ANTXR1: variants seen among roughly 807,000 people sequenced by gnomAD.
ANTXR1 encodes anthrax toxin receptor 1.
In ANTXR1, 19 loss-of-function variants were observed where a neutral mutation model predicts 78.1. The ratio of observed to expected loss-of-function variants is 0.24; its 90% CI spans 0.17 to 0.36. The LOEUF (loss-of-function observed/expected upper bound fraction) is 0.36, where lower values mean the gene tolerates loss of function less well. Among genes scored for constraint, ANTXR1 ranks in the 10% least tolerant of loss-of-function variants. The probability of loss-of-function intolerance (pLI) is 1.00; values close to 1 mark genes in which losing one functional copy is unlikely to be tolerated. For missense variants in ANTXR1, 518 were observed against 718.6 expected, an observed-to-expected ratio of 0.72 and a Z score of 3.19; for synonymous variants, 273 against 260.5, an observed-to-expected ratio of 1.05 and a Z score of -0.46.
At chr2:69,216,849 AC>A (rs1675191306) in intron 17 of ANTXR1, among the ~76,000 whole-genome samples, 1 of 152,160 alleles carries the variant, frequency 6.6e-6, no homozygotes, top group Admixed American at 6.5e-5. Flanking sequence ...TACATTCTTG[AC>A]CCGTGTTTGG....
intron 1 of ANTXR1, among the ~76,000 whole-genome samples, chr2:69,021,436 A>G (rs373973243): frequency 2.4e-4 from 36 of 152,368 alleles, no homozygotes; most frequent in African/African-American, 8.7e-4. Context: ...TTCTCTGCAT[A>G]TACTACATGT....
chr2:69,217,599 T>C (rs1675209548), intron 17 of ANTXR1, among the ~76,000 whole-genome samples: 1 of 152,188 alleles, frequency 6.6e-6, no homozygotes, highest in Non-Finnish European at 1.5e-5. Flanking sequence ...ATATAGTGCA[T>C]TTAGTATATG....
chr2:69,145,192 G>A lies in ANTXR1; in HGVS notation c.952-6977G>A, dbSNP rs142172450. The A allele has an allele frequency of 8.1e-4, 685 of 841,358 alleles. 7 individuals carry two copies. In the East Asian group the frequency reaches 0.018, roughly 22 times the overall value. The allele number at this position is 841,358 out of a possible 1,614,324, so 52.1% of individuals were successfully genotyped here. ...GTCCAGGGAAGATGCACAGCCAGAG[G>A]CAGAGTTACGGGGGGCTGATTCGCT... On this transcript the variant is annotated intron_variant, in intron 12 of 17. Coordinates refer to ENST00000303714, the MANE Select transcript of ANTXR1 (RefSeq NM_032208.3).
intron 12 of ANTXR1, chr2:69,145,975 AAG>A (rs1673215496): frequency 2.0e-6 from 2 of 985,472 alleles, no homozygotes; most frequent in Non-Finnish European, 2.4e-6. Flanking sequence ...CTCGTCTTAA[AAG>A]AGAGGTCCTC....
chr2:69,126,807 C>T (rs548553852), intron 12 of ANTXR1, among the ~76,000 whole-genome samples: 7 of 152,226 alleles, frequency 4.6e-5, no homozygotes, highest in African/African-American at 9.6e-5. Context: ...TCCCAACCCA[C>T]GGCAGCCTCC....
intron 16 of ANTXR1, among the ~76,000 whole-genome samples, chr2:69,183,261 C>T (rs985633795): frequency 6.6e-6 from 1 of 152,088 alleles, no homozygotes; most frequent in Admixed American, 6.5e-5. Context: ...CTAGGACTCA[C>T]TCTTTCTGGT....
intron 10 of ANTXR1, among the ~76,000 whole-genome samples, chr2:69,121,265 T>G: frequency 6.6e-6 from 1 of 152,106 alleles, no homozygotes; most frequent in East Asian, 1.9e-4. Flanking sequence ...TGGTACACAC[T>G]CAAAGAATTT....
At chr2:69,021,522 C>T (rs547315420) in intron 1 of ANTXR1, among the ~76,000 whole-genome samples, 1 of 152,258 alleles carries the variant, frequency 6.6e-6, no homozygotes, top group East Asian at 1.9e-4. Flanking sequence ...TTCCTGATAC[C>T]TCCTGCCACC....
intron 17 of ANTXR1, among the ~76,000 whole-genome samples, chr2:69,196,208 A>G (rs1286843305): frequency 2.0e-5 from 3 of 152,252 alleles, no homozygotes; most frequent in Non-Finnish European, 4.4e-5. Context: ...ACCACCTTGA[A>G]CTTTTATTCT....
chr2:69,090,326 G>A (rs1013830739), intron 8 of ANTXR1, among the ~76,000 whole-genome samples: 2 of 151,540 alleles, frequency 1.3e-5, no homozygotes, highest in African/African-American at 4.9e-5. Flanking sequence ...TCTCACCTTT[G>A]CTCATACCAT....
chr2:69,050,295 CA>C (rs1669893029), intron 3 of ANTXR1, among the ~76,000 whole-genome samples: 1 of 150,316 alleles, frequency 6.7e-6, no homozygotes, highest in Non-Finnish European at 1.5e-5. Context: ...TGTGCTGTAT[CA>C]AAAATAAATA....
intron 2 of ANTXR1, among the ~76,000 whole-genome samples, chr2:69,040,458 G>T (rs1669581100): frequency 6.6e-6 from 1 of 152,222 alleles, no homozygotes; most frequent in Non-Finnish European, 1.5e-5. Context: ...GGACTCACGT[G>T]TAGGGTGTAC....
chr2:69,065,424 CAA>C (rs34601328), intron 3 of ANTXR1, among the ~76,000 whole-genome samples: 8 of 66,746 alleles, frequency 1.2e-4, no homozygotes, highest in African/African-American at 1.0e-4. Context: ...GACTCCGTCT[CAA>C]AAAAAAAAAA....
intron 1 of ANTXR1, among the ~76,000 whole-genome samples, chr2:69,024,651 A>T (rs75508524): frequency 2.0e-5 from 3 of 152,166 alleles, no homozygotes; most frequent in Admixed American, 1.3e-4. Flanking sequence ...TGGTGGCCCT[A>T]TAAGTCCAGC....
At chr2:69,080,891 A>G (rs1670879599) in intron 8 of ANTXR1, among the ~76,000 whole-genome samples, 1 of 152,190 alleles carries the variant, frequency 6.6e-6, no homozygotes, top group Non-Finnish European at 1.5e-5. Flanking sequence ...AAAGTGAAGA[A>G]AGGCAGAAGA....
rs1553431190 is a variant in ANTXR1, at chr2:69,029,051, C to CT, written c.153-10992dup. Reference sequence around the variant, plus strand: ...GGGCAACATGTTGAGACCCCCCCCCCTCCATCTCTACTAAAAATACAAAAA... The same window carrying CT: ...GGGCAACATGTTGAGACCCCCCCCCCTTCCATCTCTACTAAAAATACAAAAA... On this transcript the variant is annotated intron_variant, in intron 1 of 17. Coordinates refer to ENST00000303714, the MANE Select transcript of ANTXR1 (RefSeq NM_032208.3). 6.4e-3 allele frequency among the ~76,000 whole-genome samples: 807 copies of CT among 125,852 alleles called. 8 individuals carry two copies. The highest frequency in any genetic ancestry group is 0.023 in the African/African-American group (779 of 34,536). The allele number at this position is 125,852 out of a possible 152,430, so 82.6% of individuals were successfully genotyped here.
chr2:69,205,503 A>G (rs552345148), intron 17 of ANTXR1, among the ~76,000 whole-genome samples: 1 of 152,212 alleles, frequency 6.6e-6, no homozygotes, highest in Admixed American at 6.5e-5. Flanking sequence ...GCTTACAGCC[A>G]CAAAGTTTAG....
chr2:69,076,631 T>C (rs1418320696), intron 7 of ANTXR1, among the ~76,000 whole-genome samples: 1 of 152,224 alleles, frequency 6.6e-6, no homozygotes, highest in Non-Finnish European at 1.5e-5. Flanking sequence ...GTCTATCAAA[T>C]GGCTAATAAA....
chr2:69,087,548 G>A (rs1169901289), intron 8 of ANTXR1, among the ~76,000 whole-genome samples: 2 of 152,136 alleles, frequency 1.3e-5, no homozygotes, highest in Non-Finnish European at 2.9e-5. Flanking sequence ...AGGTAAATAC[G>A]GACCAGGGCC....
Sources: allele counts gnomAD v4.1 joint callset (sites outside exome capture counted in the v4.1 genomes callset), GRCh38; gene constraint gnomAD v4.1.1; transcripts MANE v1.5; gene names NCBI Gene and HGNC (gene_info 2026-07-23, HGNC 2026-07-21).